CEP120: variants seen among roughly 807,000 people sequenced by gnomAD.
The protein encoded by CEP120 is centrosomal protein of 120 kDa.
A neutral mutation model predicts 126.5 loss-of-function variants in CEP120; 113 were observed. The ratio of observed to expected loss-of-function variants is 0.89; its 90% confidence interval spans 0.77 to 1.04. The LOEUF is 1.04. CEP120 is among the 50% of genes least tolerant of loss of function. The pLI is 0.00. For missense variants in CEP120, 1,230 were observed against 1,155.7 expected (o/e 1.06, Z -0.93); for synonymous variants, 400 against 394.3 (o/e 1.01, Z -0.17).
chr5:123,369,775 CT>C (rs1176865823), intron 17 of CEP120, among the ~76,000 whole-genome samples: 1 of 151,980 alleles, frequency 6.6e-6, no homozygotes, highest in African/African-American at 2.4e-5. Flanking sequence ...ATGACATCAC[CT>C]TTTTTATTAC....
intron 4 of CEP120, chr5:123,403,351 A>T (rs781426477): frequency 2.2e-6 from 1 of 454,338 alleles, no homozygotes; most frequent in Non-Finnish European, 4.4e-6. Flanking sequence ...GTGCCTGAAA[A>T]TATTTGTTGA....
At chr5:123,402,173 G>A in intron 4 of CEP120, 1 of 1,580,042 alleles carries the variant, frequency 6.3e-7, no homozygotes, top group Non-Finnish European at 8.7e-7. Context: ...CCATGCCGCT[G>A]GCCCCACCAC....
In CEP120 at chr5:123,351,662, TG is replaced by T. The variant is rs577020754; in HGVS notation, c.2581-1574del. 2.5e-3 allele frequency among the ~76,000 whole-genome samples: 377 copies of T among 152,300 alleles called. 3 individuals carry two copies. The highest frequency in any genetic ancestry group is 8.7e-3 in the African/African-American group (360 of 41,568). On this transcript the variant is annotated intron_variant, in intron 18 of 19. Coordinates refer to ENST00000306467, the MANE Select transcript of CEP120 (RefSeq NM_001375405.1). The stretch of plus-strand genomic sequence containing the variant: ...TTTGCATATACATAATGAGATATCT[TG>T]GGGATGGGACCATCTAAACATGAAA...
In CEP120 at chr5:123,416,088, G is replaced by C. The variant is rs776282106; in HGVS notation, c.243C>G (p.Ala81=). The C allele has an allele frequency of 5.6e-6, 9 of 1,613,818 alleles. No individual in the cohort carries two copies. In the South Asian group the frequency reaches 9.9e-5, roughly 18 times the overall value. ...QRTPIKLQCF[A]LDPVTSAKET... is the part of the protein sequence containing the mutation. Reference sequence around the variant, plus strand: ...CCTTGGCTGAAGTTACAGGATCCAAGGCAAAACATTGGAGTTTGATAGGAG... The same window carrying C: ...CCTTGGCTGAAGTTACAGGATCCAACGCAAAACATTGGAGTTTGATAGGAG... The change falls in exon 3 of 20, where the codon GCC becomes GCG. Residue 81 remains alanine (A), a synonymous_variant. Coordinates refer to ENST00000306467, the MANE Select transcript of CEP120 (RefSeq NM_001375405.1).
intron 11 of CEP120, among the ~76,000 whole-genome samples, chr5:123,384,181 T>A (rs1173742321): frequency 6.6e-6 from 1 of 152,136 alleles, no homozygotes; most frequent in African/African-American, 2.4e-5. Context: ...AAATGCTAAT[T>A]TTTAAGAAAG....
chr5:123,358,737 C>T (rs531355790), intron 18 of CEP120, among the ~76,000 whole-genome samples: 148 of 152,162 alleles, frequency 9.7e-4, no homozygotes, highest in African/African-American at 3.3e-3. Context: ...GAAGTCCTCT[C>T]CAGTGCCAGG....
At chr5:123,404,517 TGAG>T (rs546696180) in intron 4 of CEP120, among the ~76,000 whole-genome samples, 2 of 151,940 alleles carry the variant, frequency 1.3e-5, no homozygotes, top group Admixed American at 1.3e-4. Flanking sequence ...GTGTACAGAA[TGAG>T]AAGAAATTTC....
At chr5:123,376,817 A>C (rs1240376522) in intron 16 of CEP120, among the ~76,000 whole-genome samples, 1 of 152,126 alleles carries the variant, frequency 6.6e-6, no homozygotes, top group Non-Finnish European at 1.5e-5. Flanking sequence ...GAAATCACGA[A>C]TAAGATTGTT....
At chr5:123,407,227 T>C (rs1773753462) in intron 4 of CEP120, among the ~76,000 whole-genome samples, 1 of 150,462 alleles carries the variant, frequency 6.6e-6, no homozygotes, top group Non-Finnish European at 1.5e-5. Flanking sequence ...GAGAAACAAA[T>C]ATAAAACACT....
At chr5:123,364,118 T>G (rs12522139) in intron 18 of CEP120, among the ~76,000 whole-genome samples, 25,660 of 151,454 alleles carry the variant, frequency 0.17, 2,273 homozygotes, top group East Asian at 0.26. Flanking sequence ...AGAATAACAT[T>G]TAAAATATAT....
At chr5:123,372,891 G>A in intron 16 of CEP120, 119 bp from the exon 17 acceptor site, 1 of 748,010 alleles carries the variant, frequency 1.3e-6, no homozygotes, top group Non-Finnish European at 2.1e-6. Context: ...AGAAAATCTG[G>A]AAAACTGATA....
Position 123,372,680 on chromosome 5 carries a change from C to T in CEP120, c.2451G>A (p.Gln817=), listed in dbSNP as rs1770930763. The change falls in exon 17 of 20, where the codon CAG becomes CAA. Residue 817 remains glutamine, a synonymous_variant. Coordinates refer to ENST00000306467, the MANE Select transcript of CEP120 (RefSeq NM_001375405.1). ...CCAAGGTGAGAAGATTTATTTCAGA[C>T]TGTAGACGGATTTCTGGTTTGTTGT... ...QQNNKPEIRL[Q]SEINLLTLEK... is the part of the protein sequence containing the mutation. 1 of 1,612,206 alleles carries T rather than the reference C, an allele frequency of 6.2e-7. No homozygotes were observed. The highest frequency in any genetic ancestry group is 1.7e-5 in the Admixed American group (1 of 59,814).
chr5:123,352,140 T>C (rs760264182), intron 18 of CEP120, among the ~76,000 whole-genome samples: 1 of 152,090 alleles, frequency 6.6e-6, no homozygotes, highest in Non-Finnish European at 1.5e-5. Context: ...GTACTTTACT[T>C]GGTTGTCCAT....
rs560861422 is a variant in CEP120 at position 123,377,296 on chromosome 5, GTAGT to G, written c.2358+74_2358+77del. 711 of 1,334,558 alleles carry G rather than the reference GTAGT, an allele frequency of 5.3e-4. 6 individuals carry two copies. The African/African-American group carries it at 9.3e-3, about 17-fold the overall frequency. 82.7% of individuals were successfully genotyped at this position (1,334,558 alleles called of 1,614,324 possible). ...TTACTATGAATTTTACCACTTTTTA[GTAGT>G]TAGTGAACTATTTCTCTTATTACTA... On this transcript the variant is annotated intron_variant, in intron 16 of 19. Transcript: ENST00000306467.
intron 4 of CEP120, among the ~76,000 whole-genome samples, chr5:123,411,844 T>C (rs1445951810): frequency 6.6e-6 from 1 of 152,186 alleles, no homozygotes; most frequent in East Asian, 1.9e-4. Flanking sequence ...ACTATAGACC[T>C]TGGGTGACAC....
chr5:123,365,419 C>T (rs1158303259), intron 17 of CEP120, among the ~76,000 whole-genome samples: 1 of 151,690 alleles, frequency 6.6e-6, no homozygotes, highest in Non-Finnish European at 1.5e-5. Flanking sequence ...TAATAATCTG[C>T]TTGAATTACA....
chr5:123,375,357 C>A (rs1489446222), intron 16 of CEP120, among the ~76,000 whole-genome samples: 1 of 151,754 alleles, frequency 6.6e-6, no homozygotes, highest in Non-Finnish European at 1.5e-5. Context: ...CCGTCTCATT[C>A]GGTTGCTCAG....
intron 9 of CEP120, among the ~76,000 whole-genome samples, chr5:123,388,001 A>G (rs1463974471): frequency 7.4e-6 from 1 of 135,928 alleles, no homozygotes; most frequent in Non-Finnish European, 1.6e-5. Context: ...GAAAAATCAG[A>G]TAATACACTA....
At chr5:123,375,628 C>A (rs1382369528) in intron 16 of CEP120, among the ~76,000 whole-genome samples, 1 of 152,036 alleles carries the variant, frequency 6.6e-6, no homozygotes, top group East Asian at 1.9e-4. Flanking sequence ...TGGCTTATAC[C>A]AGTCTTAGAC....
Sources: gnomAD v4.1 joint callset for allele counts (sites outside exome capture counted in the v4.1 genomes callset) on GRCh38, gnomAD v4.1.1 for gene constraint, MANE v1.5 for transcripts, NCBI Gene and HGNC (gene_info 2026-07-23, HGNC 2026-07-21) for gene names.